UAP1: variants seen among roughly 807,000 people sequenced by gnomAD.
UAP1 encodes the protein UDP-N-acetylhexosamine pyrophosphorylase.
UAP1 carries 25 observed loss-of-function variants against 58.5 expected under a neutral mutation model. The observed-to-expected ratio is 0.43, with a 90% CI of 0.31 to 0.60. The LOEUF (loss-of-function observed/expected upper bound fraction) is 0.60, where lower values mean the gene tolerates loss of function less well. UAP1 is among the 20% of genes least tolerant of loss of function. The pLI, the probability that UAP1 is intolerant of heterozygous loss-of-function variation, is 0.11. For synonymous variants in UAP1, 208 were observed against 213.0 expected (o/e 0.98, Z 0.21); for missense variants, 575 against 630.0 (o/e 0.91, Z 0.93).
At chr1:162,596,847 G>A (rs1307177971) in intron 9 of UAP1, among the ~76,000 whole-genome samples, 3 of 152,184 alleles carry the variant, frequency 2.0e-5, no homozygotes, top group African/African-American at 7.2e-5. Context: ...TTATTGGTAA[G>A]ATTCTTGAAG....
intron 6 of UAP1, 23 bp downstream of exon 6, chr1:162,587,691 T>C: frequency 6.3e-7 from 1 of 1,595,282 alleles, no homozygotes; most frequent in South Asian, 1.1e-5. Flanking sequence ...TGGGGGCCTT[T>C]TAAAATTATA....
intron 2 of UAP1, 124 bp from the exon 3 acceptor site, chr1:162,576,653 C>T (rs1654200404): frequency 2.2e-6 from 2 of 896,674 alleles, no homozygotes; most frequent in Non-Finnish European, 3.4e-6. Flanking sequence ...AGCAAATGGC[C>T]TCAGGACAAG....
At chr1:162,589,624 T>C (rs1004079101) in intron 7 of UAP1, among the ~76,000 whole-genome samples, 1 of 152,086 alleles carries the variant, frequency 6.6e-6, no homozygotes, top group African/African-American at 2.4e-5. Flanking sequence ...TCACATTTGA[T>C]GTTGAGATGC....
intron 9 of UAP1, among the ~76,000 whole-genome samples, chr1:162,595,617 G>T (rs1292068681): frequency 6.6e-6 from 1 of 152,080 alleles, no homozygotes; most frequent in East Asian, 1.9e-4. Context: ...ACAAGCATTC[G>T]TAGGCCTGCT....
At chr1:162,564,296 T>C (rs1653357503) in intron 1 of UAP1, among the ~76,000 whole-genome samples, 1 of 152,170 alleles carries the variant, frequency 6.6e-6, no homozygotes, top group Admixed American at 6.5e-5. Flanking sequence ...GTGAGGTAGA[T>C]ACTATTATTA....
chr1:162,587,048 C>T (rs902406202), intron 5 of UAP1, among the ~76,000 whole-genome samples: 5 of 152,016 alleles, frequency 3.3e-5, no homozygotes, highest in African/African-American at 1.2e-4. Flanking sequence ...AGACAAAATG[C>T]CTAACTTAGG....
chr1:162,597,771 C>T (rs1286642975), intron 9 of UAP1, 21 bp from the exon 10 acceptor site: 2 of 1,608,448 alleles, frequency 1.2e-6, no homozygotes, highest in South Asian at 1.1e-5. Flanking sequence ...GTCTTTAACA[C>T]ATACTTGTTT....
chr1:162,577,834 A>G (rs1313298540), intron 3 of UAP1, among the ~76,000 whole-genome samples: 1 of 150,586 alleles, frequency 6.6e-6, no homozygotes, highest in Non-Finnish European at 1.5e-5. Flanking sequence ...CTGGTCTTGA[A>G]CTCCTGACCT....
chr1:162,567,500 T>C (rs544125629), intron 2 of UAP1, among the ~76,000 whole-genome samples: 23 of 152,338 alleles, frequency 1.5e-4, no homozygotes, highest in African/African-American at 5.5e-4. Flanking sequence ...AGCTCAACTG[T>C]AGCTTTTGGT....
chr1:162,600,949 T>C (rs967717805), downstream of UAP1, among the ~76,000 whole-genome samples: 1 of 152,190 alleles, frequency 6.6e-6, no homozygotes, highest in African/African-American at 2.4e-5. Flanking sequence ...TTTCCTCTGC[T>C]ATTTCCACCT....
chr1:162,590,502 C>T, exon 8 of UAP1: 5 of 1,601,044 alleles, frequency 3.1e-6, no homozygotes, highest in South Asian at 2.3e-5. Flanking sequence ...CGCCTTCCAG[C>T]AATTCCCCGG....
intron 7 of UAP1, 24 bp downstream of exon 7, chr1:162,588,857 A>T (rs373711669): frequency 6.3e-7 from 1 of 1,580,494 alleles, no homozygotes; most frequent in African/African-American, 1.4e-5. Flanking sequence ...AGTACCAATA[A>T]GGTTAAATAA....
chr1:162,572,629 T>G (rs993782064), intron 2 of UAP1, among the ~76,000 whole-genome samples: 4 of 152,232 alleles, frequency 2.6e-5, no homozygotes, highest in Non-Finnish European at 4.4e-5. Context: ...AACAGAGATC[T>G]CTGTGTCCAA....
chr1:162,597,963 T>G lies in UAP1; in HGVS notation c.1476+105T>G, dbSNP rs557177820. 6.9e-6 allele frequency: 7 copies of G among 1,012,268 alleles called. No homozygotes were observed. The South Asian group carries it at 1.1e-4, about 15-fold the overall frequency. 62.7% of individuals were successfully genotyped at this position (1,012,268 alleles called of 1,614,324 possible). A position where few individuals can be genotyped will look rare whatever the true frequency, so the allele number is the denominator to read the frequency against. ...GTTCTCACCATAAAGAAAGGATAAG[T>G]ATTTGAGGTGATAGATATGTTAATT... On this transcript the variant is annotated intron_variant, in intron 10 of 10. Transcript: ENST00000271469.
intron 5 of UAP1, among the ~76,000 whole-genome samples, chr1:162,583,977 CTTT>C (rs1372195417): frequency 6.6e-6 from 1 of 152,180 alleles, no homozygotes; most frequent in East Asian, 1.9e-4. Flanking sequence ...GCTCAAGGTT[CTTT>C]ATCACATTAA....
intron 7 of UAP1, among the ~76,000 whole-genome samples, chr1:162,589,108 TTA>T (rs1221587680): frequency 2.0e-4 from 24 of 119,846 alleles, no homozygotes; most frequent in African/African-American, 5.6e-4. Flanking sequence ...AATATATATA[TTA>T]TATATATATT....
At position 162,571,021 on chromosome 1, in the gene UAP1, C is replaced by T. The variant is rs188059624; in HGVS notation, c.280+4673C>T. On this transcript the variant is annotated intron_variant, in intron 2 of 10. Transcript: ENST00000271469. ...TTATCAGAAAAAGTGCTTAGATTCT[C>T]TTGGGCCCACAATGCATGACTCTCC... Among the ~76,000 whole-genome samples, 543 of 151,366 alleles carry T rather than the reference C, an allele frequency of 3.6e-3. 5 individuals carry two copies. The highest frequency in any genetic ancestry group is 0.013 in the African/African-American group (524 of 41,242).
intron 1 of UAP1, among the ~76,000 whole-genome samples, chr1:162,563,285 A>T (rs1199915922): frequency 6.6e-6 from 1 of 152,184 alleles, no homozygotes; most frequent in South Asian, 2.1e-4. Flanking sequence ...TATGAACATT[A>T]TACAACATGT....
At chr1:162,573,533 A>G (rs929402940) in intron 2 of UAP1, among the ~76,000 whole-genome samples, 4 of 152,198 alleles carry the variant, frequency 2.6e-5, no homozygotes, top group Admixed American at 2.0e-4. Flanking sequence ...ATTAAATGCT[A>G]TGGAGTTAAT....
Sources: gnomAD v4.1 joint callset for allele counts (sites outside exome capture counted in the v4.1 genomes callset) on GRCh38, gnomAD v4.1.1 for gene constraint, MANE v1.5 for transcripts, NCBI Gene and HGNC (gene_info 2026-07-23, HGNC 2026-07-21) for gene names.